ADAMTSL1: variants seen among roughly 807,000 people sequenced by gnomAD.
ADAMTSL1 encodes the protein ADAMTS-like protein 1.
In ADAMTSL1, 126 loss-of-function variants were observed where a neutral mutation model predicts 201.8. That is an observed-to-expected ratio of 0.62 (90% CI 0.54 to 0.72). The LOEUF is 0.72. Ranked by LOEUF, ADAMTSL1 falls within the 30% of genes least tolerant of loss-of-function variation. The pLI, the probability that ADAMTSL1 is intolerant of heterozygous loss-of-function variation, is 0.00. For missense variants in ADAMTSL1, 2,679 were observed against 2,277.8 expected, an observed-to-expected ratio of 1.18 and a Z score of -3.59; for synonymous variants, 1,121 against 903.4, an observed-to-expected ratio of 1.24 and a Z score of -4.32.
At chr9:18,400,563 T>C (rs901716621) in intron 2 of ADAMTSL1, among the ~76,000 whole-genome samples, 1 of 152,232 alleles carries the variant, frequency 6.6e-6, no homozygotes, top group African/African-American at 2.4e-5. Flanking sequence ...TTTGTACTTT[T>C]CATAAAAATG....
chr9:18,777,531 TG>T lies in ADAMTSL1; in HGVS notation c.3304del (p.Ala1102ProfsTer19). ...ELRDLYSKHL[V>X]AQLAQEIFRS... The stretch of plus-strand genomic sequence containing the variant: ...CGCGACCTCTACAGCAAGCACCTGG[TG>T]GCCCAGCTGGCCCAGGAGATCTTCC... On this transcript the variant is annotated frameshift_variant, in exon 19 of 29. Coordinates refer to ENST00000380548, the MANE Select transcript of ADAMTSL1 (RefSeq NM_001040272.6). LOFTEE classifies it high-confidence loss of function. The T allele has an allele frequency of 6.2e-7, 1 of 1,601,238 alleles. No homozygotes were observed. The highest frequency in any genetic ancestry group is 8.5e-7 in the Non-Finnish European group (1 of 1,174,362).
chr9:18,211,014 G>A (rs1829851009), intron 2 of ADAMTSL1, among the ~76,000 whole-genome samples: 1 of 151,886 alleles, frequency 6.6e-6, no homozygotes, highest in Non-Finnish European at 1.5e-5. Context: ...AGGTGGGTCT[G>A]AGGAAGTGAT....
At chr9:18,253,831 A>G (rs569709714) in intron 2 of ADAMTSL1, among the ~76,000 whole-genome samples, 1 of 152,122 alleles carries the variant, frequency 6.6e-6, no homozygotes, top group Non-Finnish European at 1.5e-5. Flanking sequence ...CTTCACACAC[A>G]CTACTAAAGC....
intron 4 of ADAMTSL1, among the ~76,000 whole-genome samples, chr9:18,576,587 G>A (rs1822744744): frequency 2.0e-5 from 3 of 152,156 alleles, no homozygotes. Flanking sequence ...AGATAGCTTA[G>A]CAACTCACAG....
At chr9:18,217,744 G>A (rs886077580) in intron 2 of ADAMTSL1, among the ~76,000 whole-genome samples, 1 of 152,158 alleles carries the variant, frequency 6.6e-6, no homozygotes, top group Non-Finnish European at 1.5e-5. Flanking sequence ...GATCTTAGCC[G>A]AGACTGATGC....
Position 18,392,428 on chromosome 9 carries a change from G to T in ADAMTSL1, c.208-112401G>T, listed in dbSNP as rs189024173. Among the ~76,000 whole-genome samples, 435 of 152,298 alleles carry T rather than the reference G, an allele frequency of 2.9e-3. 2 individuals are homozygous for T. Among genetic ancestry groups the T allele is most frequent in the African/African-American group, 0.01 (426 of 41,554 alleles). The stretch of plus-strand genomic sequence containing the variant: ...ATCGTGCATGCAGTGGCATCTTAGT[G>T]CCTGCTCTCCAATAAGCATCTCTTT... On this transcript the variant is annotated intron_variant, in intron 2 of 29. Transcript: ENST00000680146.
intron 1 of ADAMTSL1, among the ~76,000 whole-genome samples, chr9:18,110,518 G>T (rs1254833550): frequency 1.3e-5 from 2 of 152,150 alleles, no homozygotes; most frequent in African/African-American, 4.8e-5. Context: ...CTTTGAGAAA[G>T]CTTCAACCCC....
At chr9:18,221,602 A>G (rs1035393410) in intron 2 of ADAMTSL1, among the ~76,000 whole-genome samples, 3 of 152,100 alleles carry the variant, frequency 2.0e-5, no homozygotes, top group African/African-American at 7.2e-5. Flanking sequence ...TTGCTACATT[A>G]TGCATGTTTT....
intron 23 of ADAMTSL1, among the ~76,000 whole-genome samples, chr9:18,857,243 C>A (rs144266119): frequency 1.3e-5 from 2 of 152,288 alleles, no homozygotes; most frequent in African/African-American, 4.8e-5. Flanking sequence ...GACATAATAC[C>A]TCATTGCCCA....
chr9:17,953,861 G>A (rs1312700966), intron 1 of ADAMTSL1, among the ~76,000 whole-genome samples: 11 of 152,154 alleles, frequency 7.2e-5, no homozygotes, highest in South Asian at 6.2e-4. Context: ...CACAGCTGAG[G>A]AGGTTTTCTC....
intron 1 of ADAMTSL1, among the ~76,000 whole-genome samples, chr9:17,935,013 A>T (rs1046831812): frequency 2.0e-5 from 3 of 151,116 alleles, no homozygotes; most frequent in Non-Finnish European, 4.4e-5. Context: ...TCTCTTGTAT[A>T]TTATGGTTAT....
chr9:18,073,341 T>C (rs561080492), intron 1 of ADAMTSL1, among the ~76,000 whole-genome samples: 3 of 152,344 alleles, frequency 2.0e-5, no homozygotes, highest in African/African-American at 7.2e-5. Context: ...CAACTAGTTT[T>C]GTGCTTTCTA....
intron 2 of ADAMTSL1, among the ~76,000 whole-genome samples, chr9:18,247,888 T>G (rs1351468687): frequency 6.6e-6 from 1 of 151,976 alleles, no homozygotes; most frequent in East Asian, 1.9e-4. Context: ...TGTATATATA[T>G]GGATTGGATA....
rs148903272 is a variant in ADAMTSL1 at position 18,379,426 on chromosome 9, G to C, written c.208-125403G>C. On this transcript the variant is annotated intron_variant, in intron 2 of 29. Coordinates refer to the ADAMTSL1 transcript ENST00000680146. ...TTTTCCCCTATTGTTCAGTTTCCTT[G>C]TTCCCACCTTACAAAATCCACTGTT... is the stretch of plus-strand genomic sequence containing the variant. Among the ~76,000 whole-genome samples, 897 of 152,254 alleles carry C rather than the reference G, an allele frequency of 5.9e-3. 11 individuals carry two copies. Among genetic ancestry groups the C allele is most frequent in the African/African-American group, 0.021 (864 of 41,564 alleles).
In ADAMTSL1 at chr9:18,466,480, C is replaced by T. The variant is rs145348904; in HGVS notation, c.208-38349C>T. Among the ~76,000 whole-genome samples, 14 of 152,212 alleles carry T rather than the reference C, an allele frequency of 9.2e-5. No individual in the cohort carries two copies. In the East Asian group the frequency reaches 1.4e-3, roughly 15 times the overall value. On this transcript the variant is annotated intron_variant, in intron 2 of 29. Coordinates refer to the ADAMTSL1 transcript ENST00000680146. ...AATACCCGGTTTTACCCACAAATTC[C>T]GTGTCCTTTCTGGAAATTTTAAAAA...
At chr9:18,717,525 A>T (rs1340399037) in intron 14 of ADAMTSL1, among the ~76,000 whole-genome samples, 1 of 152,154 alleles carries the variant, frequency 6.6e-6, no homozygotes, top group Non-Finnish European at 1.5e-5. Context: ...TACAAGTATC[A>T]AAGAAGCAAA....
intron 3 of ADAMTSL1, among the ~76,000 whole-genome samples, chr9:18,543,697 G>C (rs1820299710): frequency 6.6e-6 from 1 of 152,126 alleles, no homozygotes; most frequent in Non-Finnish European, 1.5e-5. Context: ...GTGGCATAAA[G>C]AAATAAACAT....
chr9:18,465,736 T>TTTTTGTTTG (rs1820978132), intron 2 of ADAMTSL1, among the ~76,000 whole-genome samples: 2 of 150,946 alleles, frequency 1.3e-5, no homozygotes, highest in Admixed American at 1.3e-4. Flanking sequence ...CACAGGTATC[T>TTTTTGTTTG]TTTTGTTTTG....
At chr9:18,282,827 A>T (rs1170158609) in intron 2 of ADAMTSL1, among the ~76,000 whole-genome samples, 3 of 152,070 alleles carry the variant, frequency 2.0e-5, no homozygotes, top group African/African-American at 7.2e-5. Flanking sequence ...AACCCGGGAG[A>T]CAGAGTTTGC....
Sources: allele counts gnomAD v4.1 joint callset (sites outside exome capture counted in the v4.1 genomes callset), GRCh38; gene constraint gnomAD v4.1.1; transcripts MANE v1.5; gene names NCBI Gene and HGNC (gene_info 2026-07-23, HGNC 2026-07-21).